The following DNAJC13 variants were observed in gnomAD, a reference collection of about 807,000 sequenced individuals.
DNAJC13 encodes the protein dnaJ homolog subfamily C member 13.
In DNAJC13, 75 loss-of-function variants were observed where a neutral mutation model predicts 290.5. The observed-to-expected ratio is 0.26, with a 90% CI of 0.21 to 0.31. The LOEUF (loss-of-function observed/expected upper bound fraction) is 0.31, where lower values mean the gene tolerates loss of function less well. DNAJC13 is among the 10% of genes least tolerant of loss of function. DNAJC13 has a pLI of 1.00. For synonymous variants in DNAJC13, 862 were observed against 892.0 expected (o/e 0.97, Z 0.60); for missense variants, 2,260 against 2,674.5 (o/e 0.85, Z 3.42).
intron 29 of DNAJC13, among the ~76,000 whole-genome samples, chr3:132,486,186 C>A (rs1282550418): frequency 7.3e-6 from 1 of 136,632 alleles, no homozygotes; most frequent in Non-Finnish European, 1.5e-5. Flanking sequence ...CCATTCGTAT[C>A]CTTCAGTGAA....
rs775671623 is a variant in DNAJC13, at chr3:132,525,643, G to A, written c.6094G>A (p.Val2032Met). ...ETLETLTMAT[V>M]CLFSAQPQLA... ...TCTGGAAACCTTGACAATGGCAACA[G>A]TGTGTCTCTTCAGCGCACAACCTCA... Residue 2032 changes from valine to methionine, a missense_variant, in exon 52 of 56, where the codon GTG becomes ATG. This residue lies in a region of DNAJC13 where 1,494 missense variants were observed against 1,693.7 expected (regional missense o/e 0.88). Transcript: ENST00000260818. The A allele has an allele frequency of 2.5e-6, 4 of 1,614,088 alleles. No homozygotes were observed. The Admixed American group carries it at 5.0e-5, about 20-fold the overall frequency.
At chr3:132,477,139 T>C (rs1250707112) in intron 22 of DNAJC13, among the ~76,000 whole-genome samples, 1 of 152,246 alleles carries the variant, frequency 6.6e-6, no homozygotes, top group Non-Finnish European at 1.5e-5. Flanking sequence ...AATGAAGATA[T>C]ATATTTGGTT....
intron 46 of DNAJC13, among the ~76,000 whole-genome samples, chr3:132,514,997 A>C (rs1005136870): frequency 6.6e-6 from 1 of 152,164 alleles, no homozygotes; most frequent in Non-Finnish European, 1.5e-5. Context: ...TGGATGATAG[A>C]AAACATGCTT....
chr3:132,494,010 G>A, intron 33 of DNAJC13, 134 bp from the exon 34 acceptor site: 2 of 652,604 alleles, frequency 3.1e-6, no homozygotes, highest in Non-Finnish European at 5.1e-6. Flanking sequence ...TTGGTTATTT[G>A]TATTTCAGAA....
intron 39 of DNAJC13, among the ~76,000 whole-genome samples, chr3:132,501,860 T>C (rs1935427898): frequency 6.6e-6 from 1 of 152,222 alleles, no homozygotes; most frequent in South Asian, 2.1e-4. Context: ...TCTCCTCTAC[T>C]ATATCTACTT....
At chr3:132,490,356 C>G (rs965357387) in intron 31 of DNAJC13, among the ~76,000 whole-genome samples, 5 of 152,088 alleles carry the variant, frequency 3.3e-5, no homozygotes, top group African/African-American at 1.2e-4. Context: ...TGATCATTAT[C>G]CTAACTCCAT....
Position 132,463,679 on chromosome 3 carries a change from TTACCC to T in DNAJC13, c.1771-15_1771-11del. 6.2e-7 allele frequency: 1 copy of T among 1,611,122 alleles called. No homozygotes were observed. The highest frequency in any genetic ancestry group is 8.5e-7 in the Non-Finnish European group (1 of 1,178,292). ...CTGGATTGCCACCTTAGGGATCATC[TTACCC>T]TTTTTCCAAAGGAAGGTGATAAAGA... On this transcript the variant is annotated splice_polypyrimidine_tract_variant and intron_variant, in intron 16 of 55. Coordinates refer to ENST00000260818, the MANE Select transcript of DNAJC13 (RefSeq NM_015268.4).
intron 6 of DNAJC13, 71 bp from the exon 7 acceptor site, chr3:132,453,227 A>G (rs1933474027): frequency 8.6e-6 from 12 of 1,403,248 alleles, no homozygotes; most frequent in African/African-American, 1.4e-5. Context: ...TACCTTTCCT[A>G]TGAGTTGATT....
At chr3:132,506,516 T>C (rs1031232624) in intron 42 of DNAJC13, among the ~76,000 whole-genome samples, 4 of 151,500 alleles carry the variant, frequency 2.6e-5, no homozygotes, top group African/African-American at 9.7e-5. Flanking sequence ...TCCTCTATTT[T>C]TTAGCACTTT....
chr3:132,432,276 C>T (rs1274623848), intron 1 of DNAJC13, among the ~76,000 whole-genome samples: 1 of 152,004 alleles, frequency 6.6e-6, no homozygotes, highest in Non-Finnish European at 1.5e-5. Context: ...GATCTCGGCT[C>T]ACTGCAACCT....
chr3:132,472,547 T>C, intron 20 of DNAJC13: 1 of 985,382 alleles, frequency 1.0e-6, no homozygotes, highest in Non-Finnish European at 1.2e-6. Context: ...CTTTTTACGA[T>C]TAAATTCAGG....
chr3:132,512,316 T>G (rs1177028019), intron 44 of DNAJC13, among the ~76,000 whole-genome samples: 1 of 152,216 alleles, frequency 6.6e-6, no homozygotes, highest in Non-Finnish European at 1.5e-5. Flanking sequence ...ATAAGTGGTT[T>G]GAAAATGAAT....
intron 1 of DNAJC13, among the ~76,000 whole-genome samples, chr3:132,424,182 C>T (rs1448031396): frequency 6.6e-6 from 1 of 152,034 alleles, no homozygotes; most frequent in African/African-American, 2.4e-5. Context: ...GGAAAGAAAG[C>T]TTTCAGGTGA....
At position 132,447,935 on chromosome 3, in the gene DNAJC13, G is replaced by T; in HGVS notation, c.332G>T (p.Gly111Val). The T allele has an allele frequency of 6.4e-7, 1 of 1,556,008 alleles. No homozygotes were observed. Among genetic ancestry groups the T allele is most frequent in the Non-Finnish European group, 8.8e-7 (1 of 1,130,816 alleles). Residue 111 changes from glycine (G) to valine (V), a missense_variant, in exon 5 of 56, where the codon GGA becomes GTA. Coordinates refer to ENST00000260818, the MANE Select transcript of DNAJC13 (RefSeq NM_015268.4). ...GATTTTTCAGAGGGAAAAATCACAG[G>T]AAGGGTAAATATTTAACATTTATTA... ...RTDFSEGKIT[G>V]RRYNCYKHHW...
At chr3:132,435,702 T>C (rs1197154796) in intron 2 of DNAJC13, among the ~76,000 whole-genome samples, 1 of 152,092 alleles carries the variant, frequency 6.6e-6, no homozygotes, top group African/African-American at 2.4e-5. Context: ...GTAGTATGAG[T>C]CATTTTAGTT....
intron 31 of DNAJC13, among the ~76,000 whole-genome samples, chr3:132,490,308 A>T (rs975804902): frequency 3.9e-5 from 6 of 152,202 alleles, no homozygotes; most frequent in Admixed American, 3.9e-4. Flanking sequence ...TTGGGATTTT[A>T]TTTCCATTGA....
intron 15 of DNAJC13, among the ~76,000 whole-genome samples, chr3:132,462,064 A>T (rs1313909000): frequency 6.6e-6 from 1 of 152,182 alleles, no homozygotes; most frequent in Non-Finnish European, 1.5e-5. Flanking sequence ...AAATTCCCAA[A>T]TGATAAAATG....
intron 2 of DNAJC13, among the ~76,000 whole-genome samples, chr3:132,445,642 A>T (rs990285226): frequency 6.6e-6 from 1 of 152,064 alleles, no homozygotes; most frequent in Non-Finnish European, 1.5e-5. Flanking sequence ...TTATTCTTAT[A>T]TTGAAGGGTT....
intron 29 of DNAJC13, among the ~76,000 whole-genome samples, chr3:132,485,992 A>G (rs1934858884): frequency 6.8e-6 from 1 of 147,954 alleles, no homozygotes. Flanking sequence ...AACTCAGTTT[A>G]TATATTTTTA....
Sources: allele counts gnomAD v4.1 joint callset (sites outside exome capture counted in the v4.1 genomes callset), GRCh38; gene constraint gnomAD v4.1.1; regional missense constraint gnomAD v4.1.1; transcripts MANE v1.5; gene names NCBI Gene and HGNC (gene_info 2026-07-23, HGNC 2026-07-21).